Variants in EYS observed in about 807,000 individuals in gnomAD.
The protein encoded by EYS is protein eyes shut homolog.
EYS carries 250 observed loss-of-function variants against 282.1 expected under a neutral mutation model. The ratio of observed to expected loss-of-function variants is 0.89; its 90% CI spans 0.80 to 0.98. The LOEUF (loss-of-function observed/expected upper bound fraction) is 0.98. EYS is among the 50% of genes least tolerant of loss of function. EYS has a pLI of 0.00. For missense variants in EYS, 4,016 were observed against 3,709.0 expected (o/e 1.08, Z -2.15); for synonymous variants, 1,355 against 1,282.9 (o/e 1.06, Z -1.20).
intron 42 of EYS, among the ~76,000 whole-genome samples, chr6:63,725,977 A>G (rs941907160): frequency 2.0e-5 from 3 of 152,170 alleles, no homozygotes; most frequent in Admixed American, 6.5e-5. Context: ...TCAAGGGTAA[A>G]GTAAAACCTA....
chr6:65,698,115 T>C (rs2812772), intron 1 of EYS, among the ~76,000 whole-genome samples: 53,724 of 152,032 alleles, frequency 0.35, 11,983 homozygotes, highest in Non-Finnish European at 0.49. Flanking sequence ...TTATTTCAAA[T>C]ACGGTATCTG....
chr6:64,588,460 G>C (rs1168565638), intron 26 of EYS, among the ~76,000 whole-genome samples: 2 of 151,994 alleles, frequency 1.3e-5, no homozygotes, highest in Non-Finnish European at 2.9e-5. Context: ...AAGACTAGAA[G>C]ACAACAGGAA....
At chr6:65,294,131 C>T (rs184047941) in intron 12 of EYS, among the ~76,000 whole-genome samples, 24 of 151,704 alleles carry the variant, frequency 1.6e-4, no homozygotes, top group Non-Finnish European at 3.2e-4. Context: ...GGAGATACAA[C>T]TAACAGAAGG....
intron 31 of EYS, among the ~76,000 whole-genome samples, chr6:64,110,579 C>T (rs996505652): frequency 1.3e-5 from 2 of 151,910 alleles, no homozygotes; most frequent in Admixed American, 6.6e-5. Context: ...TGAAGATGCA[C>T]ATTTTAGAAT....
chr6:64,788,530 C>T (rs1358536551), intron 22 of EYS, among the ~76,000 whole-genome samples: 4 of 152,088 alleles, frequency 2.6e-5, no homozygotes, highest in South Asian at 2.1e-4. Flanking sequence ...ATGTTTGTTG[C>T]GTGAGACGTG....
At chr6:65,663,366 G>A (rs1768073266) in intron 1 of EYS, among the ~76,000 whole-genome samples, 1 of 152,030 alleles carries the variant, frequency 6.6e-6, no homozygotes, top group South Asian at 2.1e-4. Context: ...GACCACAGGA[G>A]ACACCATAGA....
chr6:65,653,907 A>G (rs556012702), intron 1 of EYS, among the ~76,000 whole-genome samples: 2 of 152,056 alleles, frequency 1.3e-5, no homozygotes, highest in South Asian at 4.1e-4. Flanking sequence ...AGAAGCAAAA[A>G]TATGTCTGTA....
intron 35 of EYS, among the ~76,000 whole-genome samples, chr6:63,947,312 TA>T (rs1242310877): frequency 6.6e-6 from 1 of 152,044 alleles, no homozygotes; most frequent in African/African-American, 2.4e-5. Context: ...ATGAAGATAA[TA>T]AGCAGTTTTT....
chr6:65,061,987 A>G lies in EYS; in HGVS notation c.2024-4260T>C, dbSNP rs1249338696. On this transcript the variant is annotated intron_variant, in intron 12 of 42. Transcript: ENST00000503581. Reference sequence around the variant, plus strand: ...ATTTGCTTCCTGTTTTCTCCTGTCCATTGGATGTCACCTTTATTTTTGTTT... The same window carrying G: ...ATTTGCTTCCTGTTTTCTCCTGTCCGTTGGATGTCACCTTTATTTTTGTTT... Among the ~76,000 whole-genome samples, 4 of 151,730 alleles carry G rather than the reference A, an allele frequency of 2.6e-5. No homozygotes were observed. The East Asian group carries it at 7.7e-4, about 29-fold the overall frequency.
At chr6:63,832,228 G>A (rs1771660944) in intron 36 of EYS, among the ~76,000 whole-genome samples, 1 of 152,162 alleles carries the variant, frequency 6.6e-6, no homozygotes, top group South Asian at 2.1e-4. Context: ...GAGCAGAACT[G>A]AAGGAGATAG....
At chr6:64,246,225 T>C (rs1173176838) in intron 30 of EYS, among the ~76,000 whole-genome samples, 1 of 151,820 alleles carries the variant, frequency 6.6e-6, no homozygotes, top group Non-Finnish European at 1.5e-5. Context: ...TCTTTCTGTT[T>C]TATCGGCTGT....
intron 26 of EYS, among the ~76,000 whole-genome samples, chr6:64,479,523 A>G (rs1776372846): frequency 1.3e-5 from 2 of 152,006 alleles, no homozygotes; most frequent in East Asian, 3.9e-4. Context: ...ACACTGGGCA[A>G]TGCATCATTC....
intron 39 of EYS, chr6:63,779,359 C>T (rs1770148604): frequency 6.6e-6 from 1 of 151,200 alleles, no homozygotes. Context: ...GAGGCTGAGG[C>T]AGGAGAATTG....
At chr6:65,441,681 A>T (rs1184681098) in intron 5 of EYS, among the ~76,000 whole-genome samples, 1 of 152,110 alleles carries the variant, frequency 6.6e-6, no homozygotes, top group Non-Finnish European at 1.5e-5. Context: ...AAGTAAGCAA[A>T]GTCAACCTAC....
chr6:64,802,684 T>C (rs1349956349), intron 22 of EYS, among the ~76,000 whole-genome samples: 2 of 152,204 alleles, frequency 1.3e-5, no homozygotes, highest in Non-Finnish European at 2.9e-5. Context: ...CCCTTCTCTG[T>C]TATTCTCCAT....
intron 22 of EYS, among the ~76,000 whole-genome samples, chr6:64,672,228 A>G (rs1186780468): frequency 6.6e-6 from 1 of 152,080 alleles, no homozygotes; most frequent in African/African-American, 2.4e-5. Flanking sequence ...CCTTTTCTCA[A>G]ATCATCTTAC....
chr6:64,106,578 C>G (rs1224890840), intron 31 of EYS, among the ~76,000 whole-genome samples: 2 of 151,528 alleles, frequency 1.3e-5, no homozygotes, highest in Non-Finnish European at 2.9e-5. Context: ...ATTATTTTGT[C>G]TTTTATTTTC....
At chr6:63,794,242 C>T (rs1400642643) in intron 37 of EYS, among the ~76,000 whole-genome samples, 3 of 152,226 alleles carry the variant, frequency 2.0e-5, no homozygotes, top group African/African-American at 7.2e-5. Flanking sequence ...TTTCTTTCCT[C>T]TTCTCAGTAA....
intron 26 of EYS, among the ~76,000 whole-genome samples, chr6:64,467,671 C>T (rs1366861177): frequency 6.6e-6 from 1 of 152,072 alleles, no homozygotes; most frequent in Admixed American, 6.5e-5. Context: ...AGCCTGCTTT[C>T]CCACCACTAC....
Sources: allele counts gnomAD v4.1 joint callset (sites outside exome capture counted in the v4.1 genomes callset), GRCh38; gene constraint gnomAD v4.1.1; transcripts MANE v1.5; gene names NCBI Gene and HGNC (gene_info 2026-07-23, HGNC 2026-07-21).